The following CNTNAP2 variants were observed in gnomAD, a reference collection of about 807,000 sequenced individuals.
CNTNAP2 encodes the protein contactin associated protein 2, also known as contactin-associated protein-like 2.
In CNTNAP2, 98 loss-of-function variants were observed where a neutral mutation model predicts 155.2. The observed-to-expected ratio is 0.63, with a 90% CI of 0.54 to 0.75. The LOEUF is 0.75. CNTNAP2 is among the 30% of genes least tolerant of loss of function. The pLI, the probability that CNTNAP2 is intolerant of heterozygous loss-of-function variation, is 0.00. For missense variants in CNTNAP2, 1,727 were observed against 1,688.1 expected, an observed-to-expected ratio of 1.02 and a Z score of -0.40; for synonymous variants, 651 against 631.2, an observed-to-expected ratio of 1.03 and a Z score of -0.47.
At chr7:147,022,605 ATGG>A (rs1203873907) in intron 3 of CNTNAP2, among the ~76,000 whole-genome samples, 1 of 109,300 alleles carries the variant, frequency 9.1e-6, no homozygotes, top group African/African-American at 4.1e-5. Context: ...ACACAAACAC[ATGG>A]TTTTTTTTTT....
intron 7 of CNTNAP2, among the ~76,000 whole-genome samples, chr7:147,131,916 A>G (rs1449940213): frequency 6.6e-6 from 1 of 151,890 alleles, no homozygotes; most frequent in Non-Finnish European, 1.5e-5. Context: ...CAGAAAGTCT[A>G]GTGATCCACA....
intron 13 of CNTNAP2, among the ~76,000 whole-genome samples, chr7:147,728,276 A>C (rs549227707): frequency 2.0e-5 from 3 of 152,080 alleles, no homozygotes; most frequent in African/African-American, 7.2e-5. Context: ...ATAATGGTAA[A>C]TAAATAACTC....
At chr7:146,829,977 A>T (rs573675333) in intron 2 of CNTNAP2, among the ~76,000 whole-genome samples, 1 of 151,970 alleles carries the variant, frequency 6.6e-6, no homozygotes, top group South Asian at 2.1e-4. Context: ...AGGTTTACTG[A>T]TTGTTTCTTA....
chr7:147,662,733 TAGAA>T (rs1282684816), intron 13 of CNTNAP2, among the ~76,000 whole-genome samples: 3 of 152,148 alleles, frequency 2.0e-5, no homozygotes, highest in Non-Finnish European at 4.4e-5. Flanking sequence ...CTTATTAAAT[TAGAA>T]AGGTGGGGTG....
chr7:147,011,736 A>C (rs974475565), intron 3 of CNTNAP2, among the ~76,000 whole-genome samples: 5 of 152,148 alleles, frequency 3.3e-5, no homozygotes, highest in Non-Finnish European at 5.9e-5. Flanking sequence ...CCAGCCATAC[A>C]AGCTAAAAAT....
At chr7:146,747,650 CTATT>C (rs1301859270) in intron 1 of CNTNAP2, among the ~76,000 whole-genome samples, 1 of 151,976 alleles carries the variant, frequency 6.6e-6, no homozygotes, top group Non-Finnish European at 1.5e-5. Context: ...CCATTAAACT[CTATT>C]TATGGTACTT....
In CNTNAP2 at chr7:148,118,303, C is replaced by T; in HGVS notation, c.2554+15C>T. The T allele has an allele frequency of 6.2e-7, 1 of 1,613,832 alleles. No individual in the cohort carries two copies. Among genetic ancestry groups the T allele is most frequent in the Non-Finnish European group, 8.5e-7 (1 of 1,179,908 alleles). On this transcript the variant is annotated intron_variant, in intron 16 of 23. Transcript: ENST00000361727. The stretch of plus-strand genomic sequence containing the variant: ...GGAGCTGAAGTGTGAGTATAAGTTG[C>T]TTGTCAACTCATGGGGAGCCACTTT...
At chr7:148,242,356 T>C (rs1000178011) in intron 20 of CNTNAP2, among the ~76,000 whole-genome samples, 1 of 152,220 alleles carries the variant, frequency 6.6e-6, no homozygotes, top group Non-Finnish European at 1.5e-5. Flanking sequence ...GGTTCCACGC[T>C]GCCCTTCCAC....
At chr7:148,230,186 C>A (rs1032719151) in intron 20 of CNTNAP2, among the ~76,000 whole-genome samples, 1 of 152,134 alleles carries the variant, frequency 6.6e-6, no homozygotes, top group Non-Finnish European at 1.5e-5. Flanking sequence ...CAACACAATA[C>A]AAAGAGCTGT....
intron 14 of CNTNAP2, among the ~76,000 whole-genome samples, chr7:147,915,191 A>C (rs917593608): frequency 5.9e-5 from 9 of 152,232 alleles, no homozygotes; most frequent in Non-Finnish European, 8.8e-5. Flanking sequence ...AAAACCAAAC[A>C]AAGCATCTTA....
At chr7:147,386,562 C>T (rs1027471860) in intron 9 of CNTNAP2, among the ~76,000 whole-genome samples, 1 of 152,182 alleles carries the variant, frequency 6.6e-6, no homozygotes, top group Non-Finnish European at 1.5e-5. Context: ...TAAAACATAA[C>T]AAGAGTCACC....
At chr7:147,876,275 T>G (rs1799417898) in intron 13 of CNTNAP2, among the ~76,000 whole-genome samples, 1 of 152,196 alleles carries the variant, frequency 6.6e-6, no homozygotes, top group Non-Finnish European at 1.5e-5. Context: ...GTATTGGGCT[T>G]TTTTCTTATG....
intron 13 of CNTNAP2, among the ~76,000 whole-genome samples, chr7:147,759,542 C>T (rs1043241707): frequency 3.3e-5 from 5 of 152,146 alleles, no homozygotes; most frequent in Admixed American, 6.5e-5. Context: ...AACCAGACTG[C>T]CATATCAGAC....
chr7:147,287,424 A>G (rs1294493659), intron 8 of CNTNAP2, among the ~76,000 whole-genome samples: 8 of 151,984 alleles, frequency 5.3e-5, no homozygotes, highest in African/African-American at 1.9e-4. Flanking sequence ...TTGTATAAGG[A>G]ATTGCACAGA....
intron 11 of CNTNAP2, 49 bp downstream of exon 11, chr7:147,486,090 C>T: frequency 6.6e-7 from 1 of 1,513,418 alleles, no homozygotes; most frequent in Non-Finnish European, 9.2e-7. Flanking sequence ...ATGAGAATCT[C>T]AAGTCTTGAG....
At chr7:148,267,866 C>T (rs970574339) in intron 21 of CNTNAP2, among the ~76,000 whole-genome samples, 1 of 152,116 alleles carries the variant, frequency 6.6e-6, no homozygotes, top group Non-Finnish European at 1.5e-5. Context: ...TTTAACGTTT[C>T]CTTTGTCAAA....
chr7:147,207,973 C>T lies in CNTNAP2; in HGVS notation c.1348+75464C>T, dbSNP rs538046107. 6.3e-4 allele frequency among the ~76,000 whole-genome samples: 96 copies of T among 152,216 alleles called. No individual in the cohort carries two copies. In the Middle Eastern group the frequency reaches 0.01, roughly 16 times the overall value. The stretch of plus-strand genomic sequence containing the variant: ...TCATCTGTAATCATCTTTGTACTTA[C>T]GAAATTATCAAGATGTAATTATCAA... On this transcript the variant is annotated intron_variant, in intron 8 of 23. Coordinates refer to ENST00000361727, the MANE Select transcript of CNTNAP2 (RefSeq NM_014141.6).
At chr7:147,547,100 C>T (rs555554214) in intron 11 of CNTNAP2, among the ~76,000 whole-genome samples, 12 of 152,280 alleles carry the variant, frequency 7.9e-5, no homozygotes, top group East Asian at 7.7e-4. Flanking sequence ...ATACAGCCCA[C>T]CCCTTGCAGA....
chr7:147,529,457 C>T (rs560440781), intron 11 of CNTNAP2, among the ~76,000 whole-genome samples: 2 of 152,254 alleles, frequency 1.3e-5, no homozygotes, highest in East Asian at 3.9e-4. Flanking sequence ...ATCCTCCTGG[C>T]TATGATCATG....
Sources: allele counts gnomAD v4.1 joint callset (sites outside exome capture counted in the v4.1 genomes callset), GRCh38; gene constraint gnomAD v4.1.1; transcripts MANE v1.5; gene names NCBI Gene and HGNC (gene_info 2026-07-23, HGNC 2026-07-21).